The following XIRP2 variants were observed in gnomAD, a reference collection of about 807,000 sequenced individuals.
XIRP2 encodes the protein xin actin-binding repeat-containing protein 2.
Under a neutral mutation model 277.0 loss-of-function variants are expected in XIRP2, and 236 were observed. The observed-to-expected ratio is 0.85, with a 90% CI of 0.77 to 0.95. The LOEUF is 0.95. Ranked by LOEUF, XIRP2 falls within the 40% of genes least tolerant of loss-of-function variation. The pLI is 0.00. For missense variants in XIRP2, 4,640 were observed against 4,157.5 expected (o/e 1.12, Z -3.19); for synonymous variants, 1,490 against 1,416.5 (o/e 1.05, Z -1.17).
Position 166,980,117 on chromosome 2 carries a change from C to CA in XIRP2, c.408+76230dup, listed in dbSNP as rs1482231358. On this transcript the variant is annotated intron_variant, in intron 2 of 10. Coordinates refer to ENST00000409195, the MANE Select transcript of XIRP2 (RefSeq NM_152381.6). ...AGAAATTTAGCCATTTTTTCTGCTA[C>CA]AAATGCCTTAGAGTTTTTATTGAAT... Among the ~76,000 whole-genome samples the CA allele has an allele frequency of 2.0e-5, 3 of 152,206 alleles. No homozygotes were observed. The East Asian group carries it at 5.8e-4, about 29-fold the overall frequency.
chr2:166,918,714 T>C (rs1684955474), intron 2 of XIRP2, among the ~76,000 whole-genome samples: 1 of 152,092 alleles, frequency 6.6e-6, no homozygotes, highest in Non-Finnish European at 1.5e-5. Flanking sequence ...GTGGTAAAAG[T>C]CAAATAAGGT....
chr2:167,243,466 G>A lies in XIRP2; in HGVS notation c.2074G>A (p.Val692Met). The A allele has an allele frequency of 6.2e-7, 1 of 1,614,098 alleles. No individual in the cohort carries two copies. The change falls in exon 9 of 11, where the codon GTG becomes ATG. Residue 692 changes from valine (V) to methionine (M), a missense_variant. Transcript: ENST00000409195. ...KDITGGDVKT[V>M]RYMFETQHLD... ...CATAACTGGGGGGGATGTCAAGACT[G>A]TGAGATACATGTTTGAAACTCAACA...
chr2:166,997,564 A>C (rs1442028022), intron 2 of XIRP2, among the ~76,000 whole-genome samples: 1 of 152,188 alleles, frequency 6.6e-6, no homozygotes, highest in Non-Finnish European at 1.5e-5. Flanking sequence ...AATTTTGTAG[A>C]AAATGCATGC....
At chr2:166,962,790 A>C (rs1458560339) in intron 2 of XIRP2, among the ~76,000 whole-genome samples, 3 of 151,786 alleles carry the variant, frequency 2.0e-5, no homozygotes, top group African/African-American at 7.2e-5. Context: ...TATCAGGAAT[A>C]TTAGTTACTT....
chr2:167,032,035 G>A (rs549910522), intron 2 of XIRP2, among the ~76,000 whole-genome samples: 1 of 152,150 alleles, frequency 6.6e-6, no homozygotes, highest in Admixed American at 6.5e-5. Flanking sequence ...GAAGCATCAT[G>A]CTACCTGACT....
intron 2 of XIRP2, among the ~76,000 whole-genome samples, chr2:167,101,070 G>A (rs1436971193): frequency 6.6e-6 from 1 of 152,018 alleles, no homozygotes; most frequent in Non-Finnish European, 1.5e-5. Flanking sequence ...AATTTTGTAA[G>A]CCTGAGAATT....
chr2:167,144,483 T>C (rs1028543610), intron 3 of XIRP2, among the ~76,000 whole-genome samples: 1 of 151,974 alleles, frequency 6.6e-6, no homozygotes, highest in Admixed American at 6.6e-5. Flanking sequence ...TTTTTGAAGA[T>C]CATCTTTAAA....
intron 2 of XIRP2, among the ~76,000 whole-genome samples, chr2:166,988,233 A>C (rs1687066090): frequency 1.3e-5 from 2 of 152,152 alleles, no homozygotes; most frequent in African/African-American, 4.8e-5. Context: ...AATACCTGTA[A>C]ACTCAATGTA....
At chr2:166,897,293 C>A (rs1684269328) in intron 1 of XIRP2, among the ~76,000 whole-genome samples, 1 of 152,048 alleles carries the variant, frequency 6.6e-6, no homozygotes, top group Non-Finnish European at 1.5e-5. Flanking sequence ...ACTCAGTGGC[C>A]CTACGGAAGT....
chr2:167,093,422 C>A (rs960169096), intron 2 of XIRP2, among the ~76,000 whole-genome samples: 1 of 151,962 alleles, frequency 6.6e-6, no homozygotes, highest in Non-Finnish European at 1.5e-5. Context: ...CACCCATCAA[C>A]CCTTCATCTA....
At chr2:167,064,821 C>T (rs1185512079) in intron 2 of XIRP2, among the ~76,000 whole-genome samples, 1 of 151,872 alleles carries the variant, frequency 6.6e-6, no homozygotes, top group African/African-American at 2.4e-5. Context: ...CATGGTGTAG[C>T]ATGTCAGAAG....
rs143663872 is a variant in XIRP2 at position 166,960,893 on chromosome 2, C to T, written c.408+57003C>T. ...CATCCTGACCTTTTACTTGTCCAGG[C>T]GTGTATTAAACTCATTGGCAGTACA... On this transcript the variant is annotated intron_variant, in intron 2 of 10. Transcript: ENST00000409195. Among the ~76,000 whole-genome samples, 7 of 151,834 alleles carry T rather than the reference C, an allele frequency of 4.6e-5. 1 individual carries two copies. In the East Asian group the frequency reaches 5.8e-4, roughly 13 times the overall value.
chr2:167,234,629 G>A (rs947087626), intron 5 of XIRP2, among the ~76,000 whole-genome samples: 1 of 151,690 alleles, frequency 6.6e-6, no homozygotes, highest in Non-Finnish European at 1.5e-5. Flanking sequence ...AACATTATCA[G>A]TTTAAGAGCT....
At chr2:167,024,482 C>A (rs11894239) in intron 2 of XIRP2, among the ~76,000 whole-genome samples, 7,481 of 151,732 alleles carry the variant, frequency 0.049, 331 homozygotes, top group East Asian at 0.24. Flanking sequence ...CAGAACTTCC[C>A]ACACTATGTT....
intron 2 of XIRP2, among the ~76,000 whole-genome samples, chr2:167,005,427 A>G (rs1687480552): frequency 6.6e-6 from 1 of 151,920 alleles, no homozygotes; most frequent in African/African-American, 2.4e-5. Flanking sequence ...TGTACAGATG[A>G]AGAAACTAAG....
intron 2 of XIRP2, among the ~76,000 whole-genome samples, chr2:166,941,948 C>A (rs780134007): frequency 6.6e-6 from 1 of 152,122 alleles, no homozygotes. Flanking sequence ...AGCAATATAA[C>A]GTATTTATCT....
At chr2:166,961,591 A>G (rs115650433) in intron 2 of XIRP2, among the ~76,000 whole-genome samples, 4,588 of 151,832 alleles carry the variant, frequency 0.03, 99 homozygotes, top group East Asian at 0.079. Context: ...TCTTGATCAA[A>G]TATGTCTCCT....
At chr2:167,075,105 A>G (rs1689527321) in intron 2 of XIRP2, among the ~76,000 whole-genome samples, 3 of 152,252 alleles carry the variant, frequency 2.0e-5, no homozygotes, top group Non-Finnish European at 4.4e-5. Context: ...TTTACTCAAC[A>G]TAAATCTCAT....
At chr2:167,203,674 G>A (rs1322397936) in intron 3 of XIRP2, among the ~76,000 whole-genome samples, 2 of 151,786 alleles carry the variant, frequency 1.3e-5, no homozygotes, top group Non-Finnish European at 2.9e-5. Flanking sequence ...TCTATTTCTT[G>A]GTTTTATAAT....
Sources: gnomAD v4.1 joint callset for allele counts (sites outside exome capture counted in the v4.1 genomes callset) on GRCh38, gnomAD v4.1.1 for gene constraint, MANE v1.5 for transcripts, NCBI Gene and HGNC (gene_info 2026-07-23, HGNC 2026-07-21) for gene names.